The following RGS6 variants were observed in gnomAD, a reference collection of about 807,000 sequenced individuals.
RGS6 encodes the protein regulator of G protein signaling 6, also known as regulator of G-protein signaling 6.
In RGS6, 30 loss-of-function variants were observed where a neutral mutation model predicts 78.5. That is an observed-to-expected ratio of 0.38 (90% CI 0.29 to 0.52). RGS6 has a LOEUF of 0.52. Ranked by LOEUF, RGS6 falls within the 20% of genes least tolerant of loss-of-function variation. The pLI is 0.85. For synonymous variants in RGS6, 206 were observed against 206.0 expected (o/e 1.00, Z 0.00); for missense variants, 495 against 609.7 (o/e 0.81, Z 1.98).
chr14:72,347,800 A>G (rs1264502147), intron 2 of RGS6, among the ~76,000 whole-genome samples: 1 of 152,244 alleles, frequency 6.6e-6, no homozygotes. Context: ...TACTAAGGCC[A>G]TAGAGAACAA....
At chr14:72,400,768 G>A (rs759449344) in intron 3 of RGS6, among the ~76,000 whole-genome samples, 7 of 152,164 alleles carry the variant, frequency 4.6e-5, no homozygotes, top group Admixed American at 1.3e-4. Flanking sequence ...ATTCACTTCC[G>A]TCGCTGACAG....
At chr14:72,112,423 G>A (rs1417721995) in intron 2 of RGS6, among the ~76,000 whole-genome samples, 1 of 152,184 alleles carries the variant, frequency 6.6e-6, no homozygotes, top group South Asian at 2.1e-4. Context: ...GGTCACAAAG[G>A]TGCTGAGTGG....
At chr14:72,462,985 G>A (rs1240823303) in intron 6 of RGS6, among the ~76,000 whole-genome samples, 9 of 152,182 alleles carry the variant, frequency 5.9e-5, no homozygotes, top group Non-Finnish European at 8.8e-5. Flanking sequence ...AAAGAAAGGG[G>A]TCAGTTTCTT....
intron 2 of RGS6, among the ~76,000 whole-genome samples, chr14:72,026,153 T>C (rs963703097): frequency 2.0e-5 from 3 of 152,094 alleles, no homozygotes; most frequent in Admixed American, 6.6e-5. Flanking sequence ...ACACCTGTAA[T>C]CCCAGCACTT....
At position 72,330,131 on chromosome 14, in the gene RGS6, G is replaced by C. The variant is rs1261192125; in HGVS notation, c.85-21964G>C. 2.0e-5 allele frequency among the ~76,000 whole-genome samples: 3 copies of C among 152,218 alleles called. No individual in the cohort carries two copies. In the South Asian group the frequency reaches 6.2e-4, roughly 32 times the overall value. Reference sequence around the variant, plus strand: ...AGCATCAGGGGTGTTGCCTCACTAGGATCTACCATTGGGATCCCAACCCAG... The same window carrying C: ...AGCATCAGGGGTGTTGCCTCACTAGCATCTACCATTGGGATCCCAACCCAG... On this transcript the variant is annotated intron_variant, in intron 2 of 17. Transcript: ENST00000553525.
At chr14:72,278,428 C>T (rs1262794322) in intron 2 of RGS6, among the ~76,000 whole-genome samples, 1 of 152,180 alleles carries the variant, frequency 6.6e-6, no homozygotes, top group East Asian at 1.9e-4. Flanking sequence ...TTCCTACAGA[C>T]ATTGACAGTG....
At chr14:72,241,908 C>T (rs2052948727) in intron 2 of RGS6, among the ~76,000 whole-genome samples, 1 of 152,176 alleles carries the variant, frequency 6.6e-6, no homozygotes, top group Non-Finnish European at 1.5e-5. Context: ...TTTAATATAG[C>T]TAATACAATT....
At chr14:72,613,091 T>C in the RGS6 span, among the ~76,000 whole-genome samples, 2 of 151,850 alleles carry the variant, frequency 1.3e-5, no homozygotes, top group African/African-American at 4.8e-5. Flanking sequence ...TCATCAATAT[T>C]CATAACATTG....
At chr14:71,868,298 A>T in the RGS6 span, among the ~76,000 whole-genome samples, 1 of 152,174 alleles carries the variant, frequency 6.6e-6, no homozygotes. Flanking sequence ...ATGGCCTAAA[A>T]TGAGATGATT....
At chr14:72,022,770 G>A (rs192274018) in intron 2 of RGS6, among the ~76,000 whole-genome samples, 1 of 152,254 alleles carries the variant, frequency 6.6e-6, no homozygotes, top group East Asian at 1.9e-4. Flanking sequence ...AAGTCCAAAT[G>A]TTCTGGAATA....
chr14:71,919,341 A>C, the RGS6 span, among the ~76,000 whole-genome samples: 61 of 152,222 alleles, frequency 4.0e-4, no homozygotes, highest in South Asian at 8.3e-4. Flanking sequence ...GACCTTAGTT[A>C]CCCATAAAGC....
At chr14:72,366,434 G>A (rs983394030) in intron 3 of RGS6, among the ~76,000 whole-genome samples, 1 of 152,144 alleles carries the variant, frequency 6.6e-6, no homozygotes, top group African/African-American at 2.4e-5. Flanking sequence ...ATTAAGAGCT[G>A]TAAGGGGTGA....
At chr14:72,076,904 A>G (rs1005458735) in intron 2 of RGS6, among the ~76,000 whole-genome samples, 3 of 151,256 alleles carry the variant, frequency 2.0e-5, no homozygotes, top group Non-Finnish European at 4.4e-5. Context: ...ATATGCATAT[A>G]TCCAAATATA....
chr14:72,265,379 A>G (rs1274327862), intron 2 of RGS6, among the ~76,000 whole-genome samples: 1 of 152,140 alleles, frequency 6.6e-6, no homozygotes, highest in African/African-American at 2.4e-5. Context: ...CACCTGGCTC[A>G]GACACAGGCC....
chr14:71,999,997 C>G (rs1291279773), intron 2 of RGS6, among the ~76,000 whole-genome samples: 1 of 152,014 alleles, frequency 6.6e-6, no homozygotes, highest in Non-Finnish European at 1.5e-5. Flanking sequence ...GGAAACTCAT[C>G]TGAACATTGT....
At chr14:72,399,205 C>G (rs1300328448) in intron 3 of RGS6, among the ~76,000 whole-genome samples, 2 of 150,158 alleles carry the variant, frequency 1.3e-5, no homozygotes, top group Non-Finnish European at 2.9e-5. Context: ...CTTTATGAAT[C>G]TGGGTGCTCC....
At chr14:72,221,332 C>G (rs1182915711) in intron 2 of RGS6, among the ~76,000 whole-genome samples, 3 of 152,160 alleles carry the variant, frequency 2.0e-5, no homozygotes, top group Non-Finnish European at 4.4e-5. Flanking sequence ...TAGTAGAATA[C>G]TACATTTCCC....
intron 2 of RGS6, among the ~76,000 whole-genome samples, chr14:72,228,106 C>T (rs866696552): frequency 3.3e-5 from 5 of 152,268 alleles, no homozygotes; most frequent in African/African-American, 7.2e-5. Flanking sequence ...AGGCCAGGCA[C>T]GGTGGCTGAC....
At chr14:72,484,931 ATTTTTTTTT>A (rs550497245) in intron 12 of RGS6, among the ~76,000 whole-genome samples, 5 of 117,968 alleles carry the variant, frequency 4.2e-5, no homozygotes, top group African/African-American at 1.6e-4. Flanking sequence ...CATCTGGTAG[ATTTTTTTTT>A]TTTTTTTTTT....
Sources: allele counts gnomAD v4.1 joint callset (sites outside exome capture counted in the v4.1 genomes callset), GRCh38; gene constraint gnomAD v4.1.1; transcripts MANE v1.5; gene names NCBI Gene and HGNC (gene_info 2026-07-23, HGNC 2026-07-21).